Variants in LYPLAL1 observed in about 807,000 individuals in gnomAD.
LYPLAL1 encodes lysophospholipase-like protein 1.
A neutral mutation model predicts 19.7 loss-of-function variants in LYPLAL1; 23 were observed. That is an observed-to-expected ratio of 1.17 (90% CI 0.84 to 1.65). The LOEUF is 1.65. LYPLAL1 is among the 40% of genes most tolerant of loss of function. The pLI, the probability that LYPLAL1 is intolerant of heterozygous loss-of-function variation, is 0.00. For synonymous variants in LYPLAL1, 119 were observed against 96.3 expected (o/e 1.24, Z -1.38); for missense variants, 355 against 279.4 (o/e 1.27, Z -1.93).
At chr1:219,329,044 T>C in the LYPLAL1 span, among the ~76,000 whole-genome samples, 1 of 152,208 alleles carries the variant, frequency 6.6e-6, no homozygotes, top group Non-Finnish European at 1.5e-5. Flanking sequence ...AATTTATTAA[T>C]GTAAATATTC....
the LYPLAL1 span, among the ~76,000 whole-genome samples, chr1:219,226,765 T>G: frequency 2.0e-5 from 3 of 152,218 alleles, no homozygotes; most frequent in Non-Finnish European, 4.4e-5. Context: ...CTCATTTTCT[T>G]TATTCAAAAA....
chr1:219,226,240 A>G, the LYPLAL1 span, among the ~76,000 whole-genome samples: 2 of 152,116 alleles, frequency 1.3e-5, no homozygotes, highest in African/African-American at 2.4e-5. Flanking sequence ...TGACATAACT[A>G]TCATTTCTGG....
chr1:219,342,195 T>C, the LYPLAL1 span, among the ~76,000 whole-genome samples: 2 of 152,104 alleles, frequency 1.3e-5, no homozygotes, highest in East Asian at 3.9e-4. Context: ...CAATTCTCCA[T>C]GAGTCTCTCA....
chr1:219,291,039 G>C, the LYPLAL1 span, among the ~76,000 whole-genome samples: 5 of 152,072 alleles, frequency 3.3e-5, no homozygotes, highest in Admixed American at 1.3e-4. Context: ...GTAATATAGG[G>C]AATTAATAGC....
chr1:219,390,415 AGAG>A, the LYPLAL1 span, among the ~76,000 whole-genome samples: 19 of 152,354 alleles, frequency 1.2e-4, no homozygotes, highest in African/African-American at 3.8e-4. Flanking sequence ...ATTAACTACC[AGAG>A]AAGAGAAGGG....
chr1:219,286,512 CTT>C, the LYPLAL1 span, among the ~76,000 whole-genome samples: 27 of 152,234 alleles, frequency 1.8e-4, no homozygotes, highest in African/African-American at 5.8e-4. Context: ...CTTTAAAATG[CTT>C]TCTCTCTGAA....
chr1:219,281,770 G>A, the LYPLAL1 span, among the ~76,000 whole-genome samples: 253 of 152,234 alleles, frequency 1.7e-3, 1 homozygote, highest in Non-Finnish European at 2.7e-3. Context: ...CACACCCACC[G>A]TCATGCTCCA....
the LYPLAL1 span, among the ~76,000 whole-genome samples, chr1:219,246,776 G>A: frequency 6.6e-6 from 1 of 152,130 alleles, no homozygotes; most frequent in Admixed American, 6.5e-5. Context: ...TGTAGGGATG[G>A]AGTTTCACCA....
chr1:219,385,697 T>C, the LYPLAL1 span, among the ~76,000 whole-genome samples: 1 of 152,242 alleles, frequency 6.6e-6, no homozygotes, highest in African/African-American at 2.4e-5. Flanking sequence ...GGGGAAAGGA[T>C]GAAATTATTT....
the LYPLAL1 span, chr1:219,272,508 C>T: frequency 0.016 from 2,450 of 152,384 alleles, 18 homozygotes; most frequent in Non-Finnish European, 0.022. Flanking sequence ...TGGTGGCTCA[C>T]GCCTGTAATC....
chr1:219,227,902 T>C, the LYPLAL1 span, among the ~76,000 whole-genome samples: 86 of 152,254 alleles, frequency 5.6e-4, no homozygotes, highest in East Asian at 0.015. Flanking sequence ...AATAAAGATA[T>C]TGCTTCATAC....
chr1:219,243,644 G>A, the LYPLAL1 span, among the ~76,000 whole-genome samples: 1 of 152,094 alleles, frequency 6.6e-6, no homozygotes, highest in Admixed American at 6.5e-5. Context: ...AAAGGTCCCG[G>A]CGCAGTGGCT....
chr1:219,240,449 A>G, the LYPLAL1 span, among the ~76,000 whole-genome samples: 2 of 152,162 alleles, frequency 1.3e-5, no homozygotes, highest in African/African-American at 4.8e-5. Flanking sequence ...TGACAAAACT[A>G]TGGTCCACAC....
At chr1:219,328,507 GC>G in the LYPLAL1 span, among the ~76,000 whole-genome samples, 2 of 152,104 alleles carry the variant, frequency 1.3e-5, no homozygotes, top group South Asian at 4.1e-4. Flanking sequence ...ATTAATACTG[GC>G]CAGTTGTGGA....
the LYPLAL1 span, among the ~76,000 whole-genome samples, chr1:219,398,585 T>A: frequency 1.3e-5 from 2 of 152,204 alleles, no homozygotes; most frequent in African/African-American, 2.4e-5. Context: ...GTTCAGACCC[T>A]TGCTGAGGAG....
the LYPLAL1 span, among the ~76,000 whole-genome samples, chr1:219,292,718 G>T: frequency 6.6e-6 from 1 of 152,136 alleles, no homozygotes; most frequent in African/African-American, 2.4e-5. Context: ...ACTACACAGG[G>T]GTACAATGTC....
At chr1:219,382,922 A>AC in the LYPLAL1 span, among the ~76,000 whole-genome samples, 4 of 152,086 alleles carry the variant, frequency 2.6e-5, no homozygotes, top group Non-Finnish European at 4.4e-5. Context: ...AAAAATGCCC[A>AC]CCTACTCGGT....
chr1:219,296,131 C>G, the LYPLAL1 span, among the ~76,000 whole-genome samples: 1 of 152,100 alleles, frequency 6.6e-6, no homozygotes, highest in African/African-American at 2.4e-5. Context: ...AGTAGAAGAA[C>G]ATAGCATCTG....
intron 2 of LYPLAL1, among the ~76,000 whole-genome samples, chr1:219,191,790 CATTT>C (rs904894275): frequency 2.0e-5 from 3 of 151,444 alleles, no homozygotes; most frequent in African/African-American, 7.2e-5. Context: ...TTAGGGAAAA[CATTT>C]AAGTTTTTAT....
Sources: allele counts gnomAD v4.1 joint callset (sites outside exome capture counted in the v4.1 genomes callset), GRCh38; gene constraint gnomAD v4.1.1; transcripts MANE v1.5; gene names NCBI Gene and HGNC (gene_info 2026-07-23, HGNC 2026-07-21).